GRM5: variants seen among roughly 807,000 people sequenced by gnomAD.
GRM5 encodes glutamate metabotropic receptor 5, also known as metabotropic glutamate receptor 5.
A neutral mutation model predicts 83.1 loss-of-function variants in GRM5; 19 were observed. The observed-to-expected ratio is 0.23, with a 90% CI of 0.16 to 0.34. The LOEUF is 0.34. Among genes scored for constraint, GRM5 ranks in the 10% least tolerant of loss-of-function variants. The pLI is 1.00. For synonymous variants in GRM5, 675 were observed against 633.6 expected (o/e 1.07, Z -0.98); for missense variants, 1,160 against 1,588.3 (o/e 0.73, Z 4.58).
At chr11:88,998,573 CT>C (rs1188122754) in intron 2 of GRM5, among the ~76,000 whole-genome samples, 1 of 152,110 alleles carries the variant, frequency 6.6e-6, no homozygotes, top group Non-Finnish European at 1.5e-5. Flanking sequence ...ACTAGATGTT[CT>C]AGCCAGTGCA....
At chr11:88,803,585 G>C (rs1943441754) in intron 3 of GRM5, among the ~76,000 whole-genome samples, 1 of 152,124 alleles carries the variant, frequency 6.6e-6, no homozygotes, top group African/African-American at 2.4e-5. Flanking sequence ...TAACAACCTA[G>C]AAGAAAACCT....
At chr11:88,571,713 G>A (rs564394469) in intron 7 of GRM5, among the ~76,000 whole-genome samples, 24 of 152,216 alleles carry the variant, frequency 1.6e-4, no homozygotes, top group Admixed American at 5.9e-4. Flanking sequence ...CTTACCCATC[G>A]TGCAAATGCC....
rs1031841635 is a variant in GRM5 at position 88,529,261 on chromosome 11, G to A, written c.2631-3857C>T. Among the ~76,000 whole-genome samples, 3 of 151,698 alleles carry A rather than the reference G, an allele frequency of 2.0e-5. No individual in the cohort carries two copies. In the South Asian group the frequency reaches 6.2e-4, roughly 32 times the overall value. The stretch of plus-strand genomic sequence containing the variant: ...TTGATAAGGTCACAGTCTTGAATGA[G>A]AAGATGAAATGTAAACAGATAATTT... On this transcript the variant is annotated intron_variant, in intron 8 of 9. Coordinates refer to ENST00000305447, the MANE Select transcript of GRM5 (RefSeq NM_001143831.3).
chr11:88,620,708 A>G (rs1193773164), intron 4 of GRM5, among the ~76,000 whole-genome samples: 1 of 152,160 alleles, frequency 6.6e-6, no homozygotes, highest in Middle Eastern at 3.2e-3. Context: ...CACATAAATC[A>G]TTCATCCTAT....
intron 5 of GRM5, among the ~76,000 whole-genome samples, chr11:88,601,276 C>A (rs761826880): frequency 6.6e-6 from 1 of 152,144 alleles, no homozygotes; most frequent in Non-Finnish European, 1.5e-5. Context: ...CGCATGCACA[C>A]AAAGTCGTTA....
rs184401676 is a variant in GRM5, at chr11:88,941,575, G to A, written c.662-91420C>T. On this transcript the variant is annotated intron_variant, in intron 2 of 9. Transcript: ENST00000305447. ...GAGGAGGAGGAGAGGAGGAGAGGAG[G>A]AGAGGGAAGGGGAGGGGAGGGGAGG... 4.5e-3 allele frequency among the ~76,000 whole-genome samples: 411 copies of A among 90,560 alleles called. 25 individuals carry two copies. The East Asian group carries it at 0.15, about 32-fold the overall frequency. The allele number at this position is 90,560 out of a possible 152,430, so 59.4% of individuals were successfully genotyped here.
At chr11:88,955,360 T>C (rs967919708) in intron 2 of GRM5, among the ~76,000 whole-genome samples, 3 of 152,230 alleles carry the variant, frequency 2.0e-5, no homozygotes, top group African/African-American at 7.2e-5. Context: ...TTATTCAGGT[T>C]CAATGGTAAC....
At chr11:88,746,901 A>G (rs1038354868) in intron 3 of GRM5, among the ~76,000 whole-genome samples, 2 of 152,168 alleles carry the variant, frequency 1.3e-5, no homozygotes, top group Non-Finnish European at 2.9e-5. Flanking sequence ...TCAATGAAGC[A>G]TATCGTTTAG....
chr11:88,885,213 C>A (rs1174664686), intron 2 of GRM5, among the ~76,000 whole-genome samples: 1 of 151,654 alleles, frequency 6.6e-6, no homozygotes, highest in Non-Finnish European at 1.5e-5. Context: ...TTTAGATCTT[C>A]CATCTACTGA....
intron 3 of GRM5, among the ~76,000 whole-genome samples, chr11:88,667,808 G>A (rs528675738): frequency 7.9e-5 from 12 of 152,028 alleles, no homozygotes; most frequent in East Asian, 3.9e-4. Flanking sequence ...CAGGAAAATC[G>A]CTTGAACCTG....
At chr11:88,702,590 A>T (rs1355652024) in intron 3 of GRM5, among the ~76,000 whole-genome samples, 2 of 152,140 alleles carry the variant, frequency 1.3e-5, no homozygotes, top group Non-Finnish European at 1.5e-5. Flanking sequence ...TATGATCACA[A>T]TCATATGATC....
At chr11:88,999,351 C>T (rs1211088424) in intron 2 of GRM5, among the ~76,000 whole-genome samples, 1 of 151,792 alleles carries the variant, frequency 6.6e-6, no homozygotes, top group Non-Finnish European at 1.5e-5. Flanking sequence ...TTACAAAGGG[C>T]TAACAATATC....
intron 2 of GRM5, among the ~76,000 whole-genome samples, chr11:88,868,918 C>T (rs539607110): frequency 2.6e-5 from 4 of 151,716 alleles, no homozygotes; most frequent in African/African-American, 9.7e-5. Flanking sequence ...TGGTCTAATT[C>T]TCCTGTCCTC....
chr11:88,954,987 T>C (rs1329024295), intron 2 of GRM5, among the ~76,000 whole-genome samples: 1 of 152,234 alleles, frequency 6.6e-6, no homozygotes. Context: ...GGGGATACTT[T>C]CCCATTTACT....
At chr11:88,916,799 G>A (rs1379291884) in intron 2 of GRM5, among the ~76,000 whole-genome samples, 2 of 151,774 alleles carry the variant, frequency 1.3e-5, no homozygotes, top group East Asian at 1.9e-4. Flanking sequence ...TTGCAACTTC[G>A]GTAACAGCTC....
intron 2 of GRM5, among the ~76,000 whole-genome samples, chr11:88,997,844 G>T (rs1221519704): frequency 6.6e-6 from 1 of 152,078 alleles, no homozygotes; most frequent in East Asian, 1.9e-4. Context: ...TCCAGGCCAG[G>T]ATGATTTCCC....
intron 3 of GRM5, among the ~76,000 whole-genome samples, chr11:88,684,631 G>A (rs988742003): frequency 2.0e-5 from 3 of 152,276 alleles, no homozygotes; most frequent in Admixed American, 6.5e-5. Flanking sequence ...CTCCAATATA[G>A]TTTGGCTCTG....
In GRM5 at chr11:88,589,562, C is replaced by T. The variant is rs141892699; in HGVS notation, c.1690+1039G>A. The stretch of plus-strand genomic sequence containing the variant: ...ACTACTATGAGTAAAATCATTCATC[C>T]TGGGAGGGATGGAGTCTAATACTGA... On this transcript the variant is annotated intron_variant, in intron 7 of 9. Coordinates refer to ENST00000305447, the MANE Select transcript of GRM5 (RefSeq NM_001143831.3). 7.6e-3 allele frequency among the ~76,000 whole-genome samples: 1,151 copies of T among 152,200 alleles called. 12 individuals are homozygous for T. Among genetic ancestry groups the T allele is most frequent in the African/African-American group, 0.027 (1,111 of 41,534 alleles).
chr11:88,668,537 C>T (rs1409931429), intron 3 of GRM5, among the ~76,000 whole-genome samples: 1 of 151,904 alleles, frequency 6.6e-6, no homozygotes, highest in Non-Finnish European at 1.5e-5. Flanking sequence ...TTATAAATAT[C>T]AATGAAAAAT....
Sources: allele counts gnomAD v4.1 joint callset (sites outside exome capture counted in the v4.1 genomes callset), GRCh38; gene constraint gnomAD v4.1.1; transcripts MANE v1.5; gene names NCBI Gene and HGNC (gene_info 2026-07-23, HGNC 2026-07-21).